Variants in EEF2K observed in about 807,000 individuals in gnomAD.
EEF2K encodes eukaryotic elongation factor 2 kinase.
Under a neutral mutation model 93.8 loss-of-function variants are expected in EEF2K, and 70 were observed. That is an observed-to-expected ratio of 0.75 (90% confidence interval 0.62 to 0.91). The LOEUF is 0.91. Among genes scored for constraint, EEF2K ranks in the 40% least tolerant of loss-of-function variants. EEF2K has a pLI of 0.00. For missense variants in EEF2K, 935 were observed against 972.9 expected, an observed-to-expected ratio of 0.96 and a Z score of 0.52; for synonymous variants, 376 against 380.8, an observed-to-expected ratio of 0.99 and a Z score of 0.15.
chr16:22,207,248 A>G (rs1567254176), intron 1 of EEF2K, among the ~76,000 whole-genome samples: 1 of 152,162 alleles, frequency 6.6e-6, no homozygotes, highest in South Asian at 2.1e-4. Flanking sequence ...GCCCCGGCCT[A>G]GATCCTTTTG....
chr16:22,232,001 A>AC (rs1250304885), intron 2 of EEF2K, among the ~76,000 whole-genome samples: 561 of 146,442 alleles, frequency 3.8e-3, no homozygotes, highest in African/African-American at 0.013. Flanking sequence ...AAACAAACAA[A>AC]AAAAAAAAAA....
In EEF2K at chr16:22,226,517, C is replaced by CTTTTTTTTTTTTTTTTTTTTTTTTTT. The variant is rs553013823; in HGVS notation, c.246+557_246+558insTTTTTTTTTTTTTTTTTTTTTTTTTT. On this transcript the variant is annotated intron_variant, in intron 2 of 17. Transcript: ENST00000263026. The stretch of plus-strand genomic sequence containing the variant: ...CTTTTTCTTTCTTTTCCTTCTTCTT[C>CTTTTTTTTTTTTTTTTTTTTTTTTTT]TTTTTTTTTTTTTTTATAAACGTGG... Among the ~76,000 whole-genome samples, 133 of 106,832 alleles carry CTTTTTTTTTTTTTTTTTTTTTTTTTT rather than the reference C, an allele frequency of 1.2e-3. 10 individuals are homozygous for CTTTTTTTTTTTTTTTTTTTTTTTTTT. The highest frequency in any genetic ancestry group is 5.3e-3 in the African/African-American group (126 of 23,612). The allele number at this position is 106,832 out of a possible 152,430, so 70.1% of individuals were successfully genotyped here. A position where few individuals can be genotyped will look rare whatever the true frequency, so the allele number is the denominator to read the frequency against.
At chr16:22,220,517 A>G (rs762763451) in intron 1 of EEF2K, among the ~76,000 whole-genome samples, 1 of 151,856 alleles carries the variant, frequency 6.6e-6, no homozygotes, top group Non-Finnish European at 1.5e-5. Context: ...ATCTCAATTC[A>G]CTGCAGCCTC....
chr16:22,226,598 C>A (rs780851396), intron 2 of EEF2K, among the ~76,000 whole-genome samples: 4 of 146,464 alleles, frequency 2.7e-5, no homozygotes, highest in Admixed American at 1.4e-4. Flanking sequence ...TTACTGCAGC[C>A]TTGAATTCCT....
At chr16:22,234,426 G>A (rs374154663) in intron 2 of EEF2K, among the ~76,000 whole-genome samples, 2 of 152,198 alleles carry the variant, frequency 1.3e-5, no homozygotes, top group African/African-American at 2.4e-5. Flanking sequence ...GCGTGGTGGT[G>A]TGAGACTGTA....
At chr16:22,223,031 C>T (rs11861293) in intron 1 of EEF2K, among the ~76,000 whole-genome samples, 44,687 of 151,970 alleles carry the variant, frequency 0.29, 7,635 homozygotes, top group East Asian at 0.58. Context: ...CACACCCTAC[C>T]TCCATCCTCA....
rs1261102047 is a variant in EEF2K, at chr16:22,257,716, C to CT, written c.978dup (p.Asp327Ter). The CT allele has an allele frequency of 6.2e-7, 1 of 1,613,908 alleles. No homozygotes were observed. The highest frequency in any genetic ancestry group is 8.5e-7 in the Non-Finnish European group (1 of 1,180,044). On this transcript the variant is annotated frameshift_variant, in exon 9 of 18. Transcript: ENST00000263026. LOFTEE classifies it high-confidence loss of function. The stretch of plus-strand genomic sequence containing the variant: ...TTTGCGAGAGCATGGGCCTTGCTCC[C>CT]TTTGACCTCTCGCCCCGGGAGAGGG...
chr16:22,216,636 G>A (rs532469643), intron 1 of EEF2K, among the ~76,000 whole-genome samples: 11 of 152,118 alleles, frequency 7.2e-5, no homozygotes, highest in Admixed American at 1.3e-4. Context: ...ACTCATGCCT[G>A]TAATCTCAAC....
At chr16:22,214,670 A>G (rs888332040) in intron 1 of EEF2K, among the ~76,000 whole-genome samples, 1 of 151,962 alleles carries the variant, frequency 6.6e-6, no homozygotes. Context: ...CTCAGCAACA[A>G]CAACAACAAC....
At chr16:22,219,907 C>T (rs1028560775) in intron 1 of EEF2K, among the ~76,000 whole-genome samples, 3 of 152,182 alleles carry the variant, frequency 2.0e-5, no homozygotes, top group Non-Finnish European at 4.4e-5. Context: ...CCGGCAATCA[C>T]ATGTGCATTT....
At chr16:22,242,703 C>T (rs1019935730) in intron 2 of EEF2K, among the ~76,000 whole-genome samples, 2 of 151,968 alleles carry the variant, frequency 1.3e-5, no homozygotes, top group East Asian at 1.9e-4. Flanking sequence ...TAGGGAAGGC[C>T]GGGAATGCCA....
intron 16 of EEF2K, among the ~76,000 whole-genome samples, chr16:22,275,767 A>G (rs1186718041): frequency 1.3e-5 from 2 of 151,532 alleles, no homozygotes; most frequent in Non-Finnish European, 2.9e-5. Context: ...CAGCCTCCCC[A>G]GTAGCTGGAA....
intron 13 of EEF2K, 75 bp from the exon 14 acceptor site, chr16:22,266,315 G>T (rs2047517288): frequency 6.5e-6 from 10 of 1,545,456 alleles, no homozygotes; most frequent in Non-Finnish European, 8.7e-6. Context: ...CTCCTGTGTA[G>T]TAGGGGCTGC....
chr16:22,256,826 G>A lies in EEF2K; in HGVS notation c.697G>A (p.Glu233Lys), dbSNP rs145917206. ...CCTCTTCCACCTGGAGCACTACATC[G>A]AGGGCAAGTACATCAAGTACAACTC... ...KPLFHLEHYI[E>K]GKYIKYNSNS... The change falls in exon 7 of 18, where the codon GAG becomes AAG. Residue 233 changes from glutamate to lysine, a missense_variant. Coordinates refer to ENST00000263026, the MANE Select transcript of EEF2K (RefSeq NM_013302.5). 58 of 1,614,052 alleles carry A rather than the reference G, an allele frequency of 3.6e-5. No homozygotes were observed. The highest frequency in any genetic ancestry group is 2.4e-4 in the African/African-American group (18 of 74,924).
chr16:22,237,699 A>G (rs1437071760), intron 2 of EEF2K, among the ~76,000 whole-genome samples: 1 of 152,196 alleles, frequency 6.6e-6, no homozygotes, highest in East Asian at 1.9e-4. Context: ...CATTACCTAA[A>G]TACATTCTCA....
intron 11 of EEF2K, among the ~76,000 whole-genome samples, chr16:22,262,538 G>A (rs1289934076): frequency 2.0e-5 from 3 of 152,126 alleles, no homozygotes; most frequent in Non-Finnish European, 2.9e-5. Flanking sequence ...TGTGGTTTTG[G>A]TTGAGGGCTT....
chr16:22,220,420 C>G (rs1306393968), intron 1 of EEF2K, among the ~76,000 whole-genome samples: 1 of 151,722 alleles, frequency 6.6e-6, no homozygotes, highest in Non-Finnish European at 1.5e-5. Flanking sequence ...TCGCTAGCAG[C>G]CCAGATCCTG....
chr16:22,263,004 AATGGGACAG>A, intron 11 of EEF2K, 97 bp from the exon 12 acceptor site: 1 of 974,948 alleles, frequency 1.0e-6, no homozygotes, highest in Non-Finnish European at 1.5e-6. Flanking sequence ...GGTGTTAGGT[AATGGGACAG>A]AGGGGAGAAA....
chr16:22,231,597 T>A (rs1305007946), intron 2 of EEF2K, among the ~76,000 whole-genome samples: 1 of 152,124 alleles, frequency 6.6e-6, no homozygotes, highest in African/African-American at 2.4e-5. Flanking sequence ...CACATATGTA[T>A]CACTTATGTG....
Sources: allele counts gnomAD v4.1 joint callset (sites outside exome capture counted in the v4.1 genomes callset), GRCh38; gene constraint gnomAD v4.1.1; transcripts MANE v1.5; gene names NCBI Gene and HGNC (gene_info 2026-07-23, HGNC 2026-07-21).